Variants in STPG2 observed in about 807,000 individuals in gnomAD.
STPG2 encodes sperm-tail PG-rich repeat-containing protein 2.
Under a neutral mutation model 54.2 loss-of-function variants are expected in STPG2, and 56 were observed. The ratio of observed to expected loss-of-function variants is 1.03; its 90% CI spans 0.83 to 1.29. STPG2 has a LOEUF of 1.29. Among genes scored for constraint, STPG2 ranks in the 50% most tolerant of loss-of-function variants. The pLI is 0.00. For missense variants in STPG2, 596 were observed against 544.9 expected, an observed-to-expected ratio of 1.09 and a Z score of -0.93; for synonymous variants, 200 against 181.8, an observed-to-expected ratio of 1.10 and a Z score of -0.81.
At chr4:98,068,178 G>A (rs145718493) in intron 5 of STPG2, among the ~76,000 whole-genome samples, 6 of 152,152 alleles carry the variant, frequency 3.9e-5, no homozygotes, top group Non-Finnish European at 8.8e-5. Context: ...CCTCTACCTG[G>A]AACACACTTT....
chr4:97,812,634 G>C (rs966612131), intron 9 of STPG2, among the ~76,000 whole-genome samples: 3 of 152,070 alleles, frequency 2.0e-5, no homozygotes, highest in Non-Finnish European at 4.4e-5. Context: ...TATACGTCTA[G>C]TCTATATTAG....
chr4:97,558,839 CAG>C, downstream of STPG2: 1 of 500,942 alleles, frequency 2.0e-6, no homozygotes, highest in Non-Finnish European at 3.6e-6. Context: ...TAAGCAATAA[CAG>C]ATAAATAATA....
intron 5 of STPG2, among the ~76,000 whole-genome samples, chr4:98,023,133 G>A (rs563518255): frequency 7.2e-5 from 11 of 152,134 alleles, no homozygotes; most frequent in East Asian, 5.8e-4. Context: ...CTGTTTTTTC[G>A]CCATCTTTGT....
chr4:97,757,595 CA>C (rs1472667727), intron 9 of STPG2, among the ~76,000 whole-genome samples: 1 of 152,132 alleles, frequency 6.6e-6, no homozygotes, highest in Non-Finnish European at 1.5e-5. Flanking sequence ...ATCCGTAACA[CA>C]AAACAATAGA....
At chr4:98,025,915 C>G in intron 5 of STPG2, 1 of 1,504,520 alleles carries the variant, frequency 6.6e-7, no homozygotes, top group East Asian at 2.3e-5. Flanking sequence ...CTCACAGTAC[C>G]AAATGATTCC....
intron 10 of STPG2, among the ~76,000 whole-genome samples, chr4:97,641,703 A>G (rs76312544): frequency 0.017 from 2,631 of 151,586 alleles, 66 homozygotes; most frequent in African/African-American, 0.059. Context: ...TGAAAAAAAA[A>G]TTGAACATAC....
intron 2 of STPG2, among the ~76,000 whole-genome samples, chr4:98,132,188 TG>T (rs1740013986): frequency 6.6e-6 from 1 of 152,060 alleles, no homozygotes; most frequent in African/African-American, 2.4e-5. Context: ...TCAGGTAGTT[TG>T]TAAAATTTCC....
intron 8 of STPG2, among the ~76,000 whole-genome samples, chr4:97,921,092 G>A (rs1200203654): frequency 1.3e-5 from 2 of 152,144 alleles, no homozygotes; most frequent in East Asian, 1.9e-4. Flanking sequence ...AGAAAGTACC[G>A]GTTTACATTA....
chr4:98,081,942 A>C (rs948058063), intron 5 of STPG2, among the ~76,000 whole-genome samples: 2 of 152,240 alleles, frequency 1.3e-5, no homozygotes, highest in African/African-American at 4.8e-5. Context: ...GCTATGATAA[A>C]AGTTTAAGTG....
intron 4 of STPG2, among the ~76,000 whole-genome samples, chr4:97,459,026 ATTATCT>A (rs1729593636): frequency 6.6e-6 from 1 of 152,138 alleles, no homozygotes; most frequent in South Asian, 2.1e-4. Flanking sequence ...ACAGAGGAAA[ATTATCT>A]TCATTGTTAG....
chr4:97,586,914 C>T (rs986410776), intron 10 of STPG2, among the ~76,000 whole-genome samples: 2 of 151,876 alleles, frequency 1.3e-5, no homozygotes, highest in Non-Finnish European at 2.9e-5. Flanking sequence ...TGGATACACT[C>T]AATAGACTTT....
intron 8 of STPG2, among the ~76,000 whole-genome samples, chr4:97,898,990 AAAAT>A (rs1560577482): frequency 6.6e-6 from 1 of 151,646 alleles, no homozygotes; most frequent in African/African-American, 2.4e-5. Context: ...GCAAGAGAAA[AAAAT>A]AAAGGGCATC....
chr4:97,956,546 G>A (rs528110103), intron 7 of STPG2, among the ~76,000 whole-genome samples: 9 of 152,148 alleles, frequency 5.9e-5, no homozygotes, highest in Non-Finnish European at 1.5e-5. Context: ...CAGACCCACT[G>A]AAAAAAGCAG....
chr4:98,023,404 C>G (rs1469490715), intron 5 of STPG2, among the ~76,000 whole-genome samples: 1 of 152,168 alleles, frequency 6.6e-6, no homozygotes, highest in Non-Finnish European at 1.5e-5. Context: ...AGTTTTGTCT[C>G]AGAGGAGTAC....
At chr4:97,528,993 G>T (rs544572845) in intron 4 of STPG2, among the ~76,000 whole-genome samples, 1 of 152,218 alleles carries the variant, frequency 6.6e-6, no homozygotes, top group East Asian at 1.9e-4. Flanking sequence ...TTGCCTGACT[G>T]CCCTGGCCAG....
intron 9 of STPG2, among the ~76,000 whole-genome samples, chr4:97,716,348 G>A (rs1724288682): frequency 6.6e-6 from 1 of 152,100 alleles, no homozygotes; most frequent in Non-Finnish European, 1.5e-5. Context: ...CCATTACTGA[G>A]TATATACTCA....
intron 1 of STPG2, 27 bp from the exon 2 acceptor site, chr4:98,134,486 C>T: frequency 7.1e-7 from 1 of 1,404,744 alleles, no homozygotes; most frequent in Non-Finnish European, 9.7e-7. Context: ...ATATGACCAG[C>T]AGATAAGATA....
intron 9 of STPG2, among the ~76,000 whole-genome samples, chr4:97,815,089 T>C (rs1183001324): frequency 1.3e-5 from 2 of 152,184 alleles, no homozygotes; most frequent in Non-Finnish European, 2.9e-5. Flanking sequence ...GTATGGGTCA[T>C]ATCACCAGGT....
chr4:97,564,700 T>C (rs1732373533), intron 10 of STPG2, among the ~76,000 whole-genome samples: 1 of 152,148 alleles, frequency 6.6e-6, no homozygotes, highest in Non-Finnish European at 1.5e-5. Flanking sequence ...TGAAGCTTAG[T>C]TTGGCTTGAT....
Sources: allele counts gnomAD v4.1 joint callset (sites outside exome capture counted in the v4.1 genomes callset), GRCh38; gene constraint gnomAD v4.1.1; transcripts MANE v1.5; gene names NCBI Gene and HGNC (gene_info 2026-07-23, HGNC 2026-07-21).